LRRC4C: variants seen among roughly 807,000 people sequenced by gnomAD.
The protein encoded by LRRC4C is leucine rich repeat containing 4C, also known as leucine-rich repeat-containing protein 4C.
A neutral mutation model predicts 33.6 loss-of-function variants in LRRC4C; 5 were observed. The observed-to-expected ratio is 0.15, with a 90% CI of 0.08 to 0.31. The LOEUF is 0.31. Among genes scored for constraint, LRRC4C ranks in the 10% least tolerant of loss-of-function variants. The pLI, the probability that LRRC4C is intolerant of heterozygous loss-of-function variation, is 1.00. For missense variants in LRRC4C, 560 were observed against 796.7 expected (o/e 0.70, Z 3.58); for synonymous variants, 329 against 302.0 (o/e 1.09, Z -0.93).
intron 3 of LRRC4C, among the ~76,000 whole-genome samples, chr11:40,470,775 A>C (rs1224872924): frequency 6.6e-6 from 1 of 152,224 alleles, no homozygotes; most frequent in Non-Finnish European, 1.5e-5. Context: ...AAGCAGAAGA[A>C]AGGATATCAG....
At chr11:41,380,757 G>A (rs186708763) in intron 1 of LRRC4C, among the ~76,000 whole-genome samples, 3 of 152,146 alleles carry the variant, frequency 2.0e-5, no homozygotes, top group African/African-American at 7.2e-5. Context: ...AACTTCAAAG[G>A]GAGTACGTGA....
intron 2 of LRRC4C, among the ~76,000 whole-genome samples, chr11:40,798,645 C>CTTTTT (rs11341571): frequency 7.3e-6 from 1 of 137,780 alleles, no homozygotes; most frequent in Non-Finnish European, 1.6e-5. Context: ...TTCTTTCTTT[C>CTTTTT]TTTTTTTTTT....
At chr11:41,058,005 C>T (rs1676201945) in intron 1 of LRRC4C, among the ~76,000 whole-genome samples, 1 of 152,208 alleles carries the variant, frequency 6.6e-6, no homozygotes, top group South Asian at 2.1e-4. Context: ...TGCTCACCCT[C>T]TACTTGTCTG....
intron 2 of LRRC4C, among the ~76,000 whole-genome samples, chr11:40,744,495 A>G (rs1167528223): frequency 6.6e-6 from 1 of 152,184 alleles, no homozygotes; most frequent in Admixed American, 6.5e-5. Context: ...AGTGGTCTCA[A>G]ATTTACACAG....
At chr11:40,910,272 T>C (rs1307833222) in intron 2 of LRRC4C, among the ~76,000 whole-genome samples, 1 of 152,096 alleles carries the variant, frequency 6.6e-6, no homozygotes, top group Non-Finnish European at 1.5e-5. Context: ...TTCAGCAGTA[T>C]ATATTGAGCA....
intron 1 of LRRC4C, among the ~76,000 whole-genome samples, chr11:41,246,220 C>T (rs968304092): frequency 6.6e-6 from 1 of 152,134 alleles, no homozygotes; most frequent in East Asian, 1.9e-4. Context: ...CCCTCTCCAG[C>T]CTCCCTCCCA....
chr11:40,211,838 T>G (rs1394653639), intron 5 of LRRC4C, among the ~76,000 whole-genome samples: 1 of 152,206 alleles, frequency 6.6e-6, no homozygotes, highest in Non-Finnish European at 1.5e-5. Flanking sequence ...GTTGATATGA[T>G]GGCTGGAGCT....
intron 3 of LRRC4C, among the ~76,000 whole-genome samples, chr11:40,537,485 GAGATAGTTGT>G (rs1296585762): frequency 6.6e-6 from 1 of 152,172 alleles, no homozygotes; most frequent in Non-Finnish European, 1.5e-5. Context: ...GAGATTGTAG[GAGATAGTTGT>G]AGCTGTAAGA....
chr11:40,827,196 A>T (rs184332904), intron 2 of LRRC4C, among the ~76,000 whole-genome samples: 1 of 151,966 alleles, frequency 6.6e-6, no homozygotes, highest in East Asian at 1.9e-4. Context: ...CGTATCTAGG[A>T]GGCTGGTTGC....
chr11:41,210,569 C>T (rs1208098058), intron 1 of LRRC4C, among the ~76,000 whole-genome samples: 1 of 152,094 alleles, frequency 6.6e-6, no homozygotes, highest in Non-Finnish European at 1.5e-5. Context: ...TGGACTAATA[C>T]AATGATCCTT....
intron 1 of LRRC4C, among the ~76,000 whole-genome samples, chr11:41,387,088 G>A (rs1953389834): frequency 6.6e-6 from 1 of 151,744 alleles, no homozygotes; most frequent in Non-Finnish European, 1.5e-5. Context: ...TATAAAAGAT[G>A]TTATGACTAT....
intron 3 of LRRC4C, among the ~76,000 whole-genome samples, chr11:40,326,541 CCTT>C (rs1946112252): frequency 8.7e-6 from 1 of 114,758 alleles, no homozygotes; most frequent in South Asian, 3.9e-4. Context: ...AGGCAAGACT[CCTT>C]CTCAAAAGAA....
At chr11:40,903,086 G>A (rs181984502) in intron 2 of LRRC4C, among the ~76,000 whole-genome samples, 2 of 152,244 alleles carry the variant, frequency 1.3e-5, no homozygotes, top group East Asian at 3.9e-4. Context: ...GGCTTTAAAG[G>A]TTCAAAGGAC....
At chr11:40,538,135 C>T (rs1267593616) in intron 3 of LRRC4C, among the ~76,000 whole-genome samples, 1 of 152,096 alleles carries the variant, frequency 6.6e-6, no homozygotes, top group Non-Finnish European at 1.5e-5. Context: ...TTTAATTGGC[C>T]TGGGGTGCAC....
At chr11:40,190,379 G>T (rs1861736687) in intron 5 of LRRC4C, among the ~76,000 whole-genome samples, 1 of 152,186 alleles carries the variant, frequency 6.6e-6, no homozygotes, top group African/African-American at 2.4e-5. Context: ...ATACTGGATG[G>T]ATTTTTAAAA....
chr11:40,246,991 C>T (rs1255144563), intron 4 of LRRC4C, among the ~76,000 whole-genome samples: 1 of 152,074 alleles, frequency 6.6e-6, no homozygotes, highest in Non-Finnish European at 1.5e-5. Flanking sequence ...GGCTGTTTCC[C>T]CCAGGTGGAG....
chr11:41,244,341 C>T (rs1356448087), intron 1 of LRRC4C, among the ~76,000 whole-genome samples: 1 of 151,996 alleles, frequency 6.6e-6, no homozygotes, highest in Non-Finnish European at 1.5e-5. Context: ...GAAAATGATG[C>T]AATATATTTT....
At chr11:41,108,132 T>G (rs1941620977) in intron 1 of LRRC4C, among the ~76,000 whole-genome samples, 1 of 152,144 alleles carries the variant, frequency 6.6e-6, no homozygotes, top group Non-Finnish European at 1.5e-5. Context: ...CAAGTGATTC[T>G]TATCAAGTAG....
intron 3 of LRRC4C, among the ~76,000 whole-genome samples, chr11:40,478,121 T>C (rs1953341309): frequency 6.6e-6 from 1 of 152,180 alleles, no homozygotes; most frequent in Non-Finnish European, 1.5e-5. Flanking sequence ...TCTCTTTCTT[T>C]TGCAAATTTC....
Sources: gnomAD v4.1 joint callset for allele counts (sites outside exome capture counted in the v4.1 genomes callset) on GRCh38, gnomAD v4.1.1 for gene constraint, MANE v1.5 for transcripts, NCBI Gene and HGNC (gene_info 2026-07-23, HGNC 2026-07-21) for gene names.